The following GPT2 variants were observed in gnomAD, a reference collection of about 807,000 sequenced individuals.
The protein encoded by GPT2 is glutamic--pyruvic transaminase 2.
A neutral mutation model predicts 56.9 loss-of-function variants in GPT2; 30 were observed. The ratio of observed to expected loss-of-function variants is 0.53; its 90% CI spans 0.39 to 0.72. The LOEUF is 0.72. Ranked by LOEUF, GPT2 falls within the 30% of genes least tolerant of loss-of-function variation. GPT2 has a pLI of 0.00. For synonymous variants in GPT2, 271 were observed against 283.1 expected (o/e 0.96, Z 0.43); for missense variants, 542 against 703.4 (o/e 0.77, Z 2.60).
At position 46,916,718 on chromosome 16, in the gene GPT2, C is replaced by A; in HGVS notation, c.900+11C>A. 1 of 1,594,550 alleles carries A rather than the reference C, an allele frequency of 6.3e-7. No homozygotes were observed. The highest frequency in any genetic ancestry group is 1.1e-5 in the South Asian group (1 of 90,674). ...CTCCTGGCTGATGAGGTAAGAATGTCCCCACTCAGAGGGAGTGGGCACTAG... is the reference window on the plus strand; with the variant it reads ...CTCCTGGCTGATGAGGTAAGAATGTACCCACTCAGAGGGAGTGGGCACTAG... On this transcript the variant is annotated intron_variant, in intron 7 of 11. Transcript: ENST00000340124.
At chr16:46,921,668 A>T (rs551878129) in intron 8 of GPT2, among the ~76,000 whole-genome samples, 8 of 152,138 alleles carry the variant, frequency 5.3e-5, no homozygotes, top group Middle Eastern at 3.4e-3. Flanking sequence ...ATTTTTTTTT[A>T]AAACTCATCA....
intron 4 of GPT2, among the ~76,000 whole-genome samples, chr16:46,905,184 G>A (rs979045852): frequency 1.3e-5 from 2 of 152,010 alleles, no homozygotes; most frequent in Non-Finnish European, 2.9e-5. Context: ...AGTCTCCTGA[G>A]TAGCTGGGAT....
At chr16:46,885,028 G>A (rs1361742159) in intron 2 of GPT2, 70 bp downstream of exon 2, 5 of 1,391,560 alleles carry the variant, frequency 3.6e-6, no homozygotes, top group African/African-American at 1.5e-5. Context: ...AGCCCCAGCT[G>A]GGGTCCTTCC....
rs757299477 is a variant in GPT2 at position 46,884,682 on chromosome 16, T to C, written c.-22-12T>C. On this transcript the variant is annotated splice_polypyrimidine_tract_variant and intron_variant, in intron 1 of 11. Coordinates refer to ENST00000340124, the MANE Select transcript of GPT2 (RefSeq NM_133443.4). Reference sequence around the variant, plus strand: ...GCGCGACGTGTTTGTTCTTTTTCTCTTTTTGTGCCAGGGTTTCTCTCCGCA... The same window carrying C: ...GCGCGACGTGTTTGTTCTTTTTCTCCTTTTGTGCCAGGGTTTCTCTCCGCA... 1 of 1,367,160 alleles carries C rather than the reference T, an allele frequency of 7.3e-7. No individual in the cohort carries two copies. The highest frequency in any genetic ancestry group is 2.3e-5 in the South Asian group (1 of 43,996). 84.7% of individuals were successfully genotyped at this position (1,367,160 alleles called of 1,614,324 possible).
intron 4 of GPT2, among the ~76,000 whole-genome samples, 189 bp from the exon 5 acceptor site, chr16:46,906,637 TGGGTGGATGGATAGAG>T (rs372672971): frequency 3.9e-5 from 6 of 151,916 alleles, no homozygotes; most frequent in African/African-American, 1.5e-4. Flanking sequence ...GATGAGTAGA[TGGGTGGATGGATAGAG>T]GGGTGGGTGG....
intron 2 of GPT2, 63 bp downstream of exon 2, chr16:46,885,021 C>T: frequency 7.1e-7 from 1 of 1,401,364 alleles, no homozygotes; most frequent in Non-Finnish European, 9.3e-7. Context: ...CCGCAGCAGC[C>T]CCAGCTGGGG....
rs746661474 is a variant in GPT2, at chr16:46,922,390, G to C, written c.1186G>C (p.Glu396Gln). 18 of 1,613,128 alleles carry C rather than the reference G, an allele frequency of 1.1e-5. No homozygotes were observed. The highest frequency in any genetic ancestry group is 3.3e-5 in the Admixed American group (2 of 59,800). Residue 396 changes from glutamate (E) to glutamine (Q), a missense_variant, in exon 9 of 12, where the codon GAG becomes CAG. Physicochemically the swap from Glu to Gln is conservative, Grantham distance 29. Transcript: ENST00000340124. ...TGTCGTGAACCCCCCGGTGGCAGGA[G>C]AGGAGTCCTTTGAGCAATTCAGCCG... ...DIVVNPPVAG[E>Q]ESFEQFSREK...
intron 5 of GPT2, among the ~76,000 whole-genome samples, chr16:46,907,657 G>A (rs1174227691): frequency 6.6e-6 from 1 of 152,238 alleles, no homozygotes; most frequent in African/African-American, 2.4e-5. Flanking sequence ...TACCAGGCGT[G>A]GGCTGGCAAG....
chr16:46,928,942 C>T lies in GPT2; in HGVS notation c.1517C>T (p.Thr506Met), dbSNP rs754750506. The change falls in exon 12 of 12, where the codon ACG (threonine) becomes ATG (methionine). Residue 506 changes from threonine to methionine, a missense_variant. Transcript: ENST00000340124. ...CTCCCTCCAGTGGAGAAGCTGAAAACGGTGCTGCAGAAGGTGAAAGACTTC... is the reference window on the plus strand; with the variant it reads ...CTCCCTCCAGTGGAGAAGCTGAAAATGGTGCTGCAGAAGGTGAAAGACTTC... ...TILPPVEKLK[T>M]VLQKVKDFHI... The T allele has an allele frequency of 3.3e-5, 54 of 1,614,018 alleles. No homozygotes were observed. The highest frequency in any genetic ancestry group is 1.2e-4 in the African/African-American group (9 of 74,924).
At chr16:46,885,495 A>G in intron 2 of GPT2, 1 of 985,366 alleles carries the variant, frequency 1.0e-6, no homozygotes, top group Non-Finnish European at 1.2e-6. Context: ...TTCCCGGAAG[A>G]GAGTCGGCAG....
intron 4 of GPT2, among the ~76,000 whole-genome samples, chr16:46,902,055 G>A (rs1404756763): frequency 6.6e-6 from 1 of 152,244 alleles, no homozygotes; most frequent in Non-Finnish European, 1.5e-5. Flanking sequence ...GAGGCAGGGG[G>A]AGGGGAATGT....
intron 2 of GPT2, chr16:46,885,572 A>G (rs1960468103): frequency 1.0e-6 from 1 of 983,604 alleles, no homozygotes; most frequent in Middle Eastern, 5.2e-4. Flanking sequence ...GGGGACAGTC[A>G]CCGAGGTGGG....
rs1054187098 is a variant in GPT2 at position 46,930,886 on chromosome 16, G to C, written c.*1889G>C. ...CTTTCAAAATAAATAAGGTCAGCTA[G>C]TCTAGGAGGTTAACGTCGGGTAGGA... On this transcript the variant is annotated 3_prime_UTR_variant, in exon 12 of 12. Coordinates refer to ENST00000340124, the MANE Select transcript of GPT2 (RefSeq NM_133443.4). 1.8e-4 allele frequency: 28 copies of C among 152,636 alleles called. No individual in the cohort carries two copies. Among genetic ancestry groups the C allele is most frequent in the African/African-American group, 6.8e-4 (28 of 41,468 alleles). 9.5% of individuals were successfully genotyped at this position (152,636 alleles called of 1,614,324 possible). A position where few individuals can be genotyped will look rare whatever the true frequency, so the allele number is the denominator to read the frequency against.
chr16:46,918,447 G>A (rs1961215291), intron 7 of GPT2, among the ~76,000 whole-genome samples, 174 bp from the exon 8 acceptor site: 1 of 152,204 alleles, frequency 6.6e-6, no homozygotes, highest in Non-Finnish European at 1.5e-5. Context: ...TTGCCTCCTT[G>A]CTTATTCCAG....
chr16:46,895,047 C>T (rs1328687695), intron 2 of GPT2, among the ~76,000 whole-genome samples: 1 of 152,130 alleles, frequency 6.6e-6, no homozygotes, highest in Non-Finnish European at 1.5e-5. Flanking sequence ...GACCCCCTTC[C>T]CCGAGAAACA....
At chr16:46,908,796 G>A (rs762861164) in intron 5 of GPT2, among the ~76,000 whole-genome samples, 6 of 152,142 alleles carry the variant, frequency 3.9e-5, no homozygotes, top group Non-Finnish European at 7.3e-5. Flanking sequence ...GGAAGGGGGC[G>A]TGTCCACAAG....
At chr16:46,911,873 A>G (rs77740205) in intron 6 of GPT2, among the ~76,000 whole-genome samples, 3 of 152,230 alleles carry the variant, frequency 2.0e-5, no homozygotes, top group African/African-American at 7.2e-5. Flanking sequence ...AGGTGTTTAC[A>G]TAAATCTTTT....
In GPT2 at chr16:46,900,735, A is replaced by G. The variant is rs765318147; in HGVS notation, c.387A>G (p.Glu129=). Residue 129 remains glutamate (E), a synonymous_variant, in exon 4 of 12, where the codon GAA becomes GAG. Coordinates refer to ENST00000340124, the MANE Select transcript of GPT2 (RefSeq NM_133443.4). ...TGCTGGACAGCCCCAGCTTCCCAGA[A>G]GATGCTAAGAAACGTGCCCGGCGGA... ...PNLLDSPSFP[E]DAKKRARRIL... 6.2e-7 allele frequency: 1 copy of G among 1,614,106 alleles called. No individual in the cohort carries two copies. Among genetic ancestry groups the G allele is most frequent in the East Asian group, 2.2e-5 (1 of 44,872 alleles).
In GPT2 at chr16:46,884,710, C is replaced by G. The variant is rs536765848; in HGVS notation, c.-6C>G. The G allele has an allele frequency of 1.5e-6, 2 of 1,375,966 alleles. No individual in the cohort carries two copies. The highest frequency in any genetic ancestry group is 1.9e-6 in the Non-Finnish European group (2 of 1,063,070). 85.2% of individuals were successfully genotyped at this position (1,375,966 alleles called of 1,614,324 possible). A position where few individuals can be genotyped will look rare whatever the true frequency, so the allele number is the denominator to read the frequency against. ...TTGTGCCAGGGTTTCTCTCCGCAAG[C>G]GCGCGATGCAGCGGGCGGCGGCGCT... On this transcript the variant is annotated 5_prime_UTR_variant, in exon 2 of 12. Transcript: ENST00000340124.
Sources: gnomAD v4.1 joint callset for allele counts (sites outside exome capture counted in the v4.1 genomes callset) on GRCh38, gnomAD v4.1.1 for gene constraint, MANE v1.5 for transcripts, NCBI Gene and HGNC (gene_info 2026-07-23, HGNC 2026-07-21) for gene names.